Variants in KARS1 observed in about 807,000 individuals in gnomAD.
The protein encoded by KARS1 is lysyl-tRNA synthetase 1.
In KARS1, 50 loss-of-function variants were observed where a neutral mutation model predicts 63.9. That is an observed-to-expected ratio of 0.78 (90% CI 0.62 to 0.99). KARS1 has a LOEUF of 0.99. Ranked by LOEUF, KARS1 falls within the 50% of genes least tolerant of loss-of-function variation. The pLI is 0.00. For missense variants in KARS1, 816 were observed against 754.5 expected (o/e 1.08, Z -0.95); for synonymous variants, 320 against 264.6 (o/e 1.21, Z -2.03).
chr16:75,636,915 C>T (rs1045532903), intron 3 of KARS1, among the ~76,000 whole-genome samples: 7 of 150,974 alleles, frequency 4.6e-5, no homozygotes, highest in African/African-American at 9.8e-5. Context: ...GCTGGGATTA[C>T]AGGTGTGAGC....
At chr16:75,628,865 C>T in intron 12 of KARS1, 153 bp from the exon 13 acceptor site, 1 of 789,200 alleles carries the variant, frequency 1.3e-6, no homozygotes, top group Non-Finnish European at 2.2e-6. Context: ...CTAGTAACTC[C>T]AAGATGCAGC....
At chr16:75,644,990 C>A (rs1049180157) in intron 1 of KARS1, among the ~76,000 whole-genome samples, 1 of 152,184 alleles carries the variant, frequency 6.6e-6, no homozygotes, top group Non-Finnish European at 1.5e-5. Context: ...CCTTAGACTG[C>A]GTTATGTTTA....
chr16:75,630,080 G>T (rs577743345), intron 11 of KARS1, among the ~76,000 whole-genome samples: 3 of 152,192 alleles, frequency 2.0e-5, no homozygotes, highest in Non-Finnish European at 4.4e-5. Flanking sequence ...TTTGGCCAAT[G>T]GGTTATCACC....
intron 3 of KARS1, among the ~76,000 whole-genome samples, chr16:75,637,064 G>C (rs887358952): frequency 6.6e-6 from 1 of 151,614 alleles, no homozygotes; most frequent in African/African-American, 2.4e-5. Context: ...TTAAAGACAT[G>C]CTTTCAGGAT....
intron 1 of KARS1, among the ~76,000 whole-genome samples, chr16:75,643,379 C>CTT (rs764979861): frequency 7.8e-5 from 11 of 141,008 alleles, no homozygotes; most frequent in South Asian, 2.3e-4. Context: ...AATCTTTCAC[C>CTT]TTTTTTTTTT....
At position 75,641,621 on chromosome 16, in the gene KARS1, G is replaced by A. The variant is rs774307844; in HGVS notation, c.165C>T (p.Ala55=). Residue 55 remains alanine, a synonymous_variant, in exon 2 of 14, where the codon GCC becomes GCT. Coordinates refer to ENST00000302445, the MANE Select transcript of KARS1 (RefSeq NM_005548.3). Reference sequence around the variant, plus strand: ...CACCATTATCAGTGGTGTGGTTGGTGGCAGCAGCAGTGGCTTGGCTTAGCT... The same window carrying A: ...CACCATTATCAGTGGTGTGGTTGGTAGCAGCAGCAGTGGCTTGGCTTAGCT... ...EKQLSQATAA[A]TNHTTDNGVG... is the part of the protein sequence containing the mutation. The A allele has an allele frequency of 5.0e-6, 8 of 1,613,962 alleles. No individual in the cohort carries two copies. Among genetic ancestry groups the A allele is most frequent in the East Asian group, 2.2e-5 (1 of 44,886 alleles).
intron 7 of KARS1, among the ~76,000 whole-genome samples, chr16:75,632,074 G>A (rs923850332): frequency 1.3e-5 from 2 of 152,052 alleles, no homozygotes; most frequent in Admixed American, 6.6e-5. Flanking sequence ...ATTTTTAGTA[G>A]AGACAGGGTT....
chr16:75,645,116 G>T (rs1033482053), intron 1 of KARS1, among the ~76,000 whole-genome samples: 10 of 152,080 alleles, frequency 6.6e-5, no homozygotes, highest in African/African-American at 1.9e-4. Flanking sequence ...TTTTAAACTT[G>T]GAGTCAATAC....
chr16:75,634,127 A>G (rs1306372927), intron 7 of KARS1, 46 bp downstream of exon 7: 1 of 1,604,610 alleles, frequency 6.2e-7, no homozygotes, highest in Admixed American at 1.7e-5. Flanking sequence ...GTGGTATTCC[A>G]GCTTTCTGCT....
At chr16:75,645,329 G>C (rs2082268900) in intron 1 of KARS1, among the ~76,000 whole-genome samples, 1 of 152,236 alleles carries the variant, frequency 6.6e-6, no homozygotes, top group Non-Finnish European at 1.5e-5. Context: ...CCTGAGTTCA[G>C]ATCCGTGCTC....
chr16:75,637,900 C>CAAAAAAAAAAAAAAAAAAAAAAAAA (rs11386229), intron 3 of KARS1, among the ~76,000 whole-genome samples: 1 of 93,782 alleles, frequency 1.1e-5, no homozygotes, highest in Non-Finnish European at 2.3e-5. Flanking sequence ...AAAAAGAGAC[C>CAAAAAAAAAAAAAAAAAAAAAAAAA]AAAAAAAAAA....
intron 1 of KARS1, among the ~76,000 whole-genome samples, chr16:75,642,990 G>T (rs1490877213): frequency 1.3e-5 from 2 of 152,180 alleles, no homozygotes; most frequent in African/African-American, 4.8e-5. Flanking sequence ...TTTACTCTCT[G>T]TGCCTCATAT....
At position 75,642,185 on chromosome 16, in the gene KARS1, CTTTTTTTTTTTTTT is replaced by C. The variant is rs148991591; in HGVS notation, c.63-476_63-463del. On this transcript the variant is annotated intron_variant, in intron 1 of 13. Coordinates refer to ENST00000302445, the MANE Select transcript of KARS1 (RefSeq NM_005548.3). ...AGGTGAAGTTCCAACAGTGCCAGGT[CTTTTTTTTTTTTTT>C]TTTTTTTTTTTTTTTTTTTTATGAG... Among the ~76,000 whole-genome samples, 539 of 63,210 alleles carry C rather than the reference CTTTTTTTTTTTTTT, an allele frequency of 8.5e-3. 5 individuals are homozygous for C. The highest frequency in any genetic ancestry group is 0.02 in the African/African-American group (494 of 25,280). The allele number at this position is 63,210 out of a possible 152,430, so 41.5% of individuals were successfully genotyped here.
chr16:75,631,331 G>A, intron 9 of KARS1, 78 bp from the exon 10 acceptor site: 1 of 1,554,336 alleles, frequency 6.4e-7, no homozygotes. Flanking sequence ...GAATAGTGTG[G>A]GAAATTCTAG....
intron 1 of KARS1, 137 bp downstream of exon 1, chr16:75,647,441 A>T: frequency 1.2e-6 from 1 of 836,484 alleles, no homozygotes; most frequent in Non-Finnish European, 2.0e-6. Flanking sequence ...GGGCGCAGCC[A>T]CCACGTCTCA....
chr16:75,645,839 C>T (rs2082275607), intron 1 of KARS1, among the ~76,000 whole-genome samples: 1 of 126,602 alleles, frequency 7.9e-6, no homozygotes, highest in South Asian at 2.8e-4. Context: ...AACGACTCTG[C>T]CTCCAAAAAA....
chr16:75,639,372 G>C (rs2082197655), intron 3 of KARS1, among the ~76,000 whole-genome samples: 1 of 151,592 alleles, frequency 6.6e-6, no homozygotes, highest in Non-Finnish European at 1.5e-5. Context: ...AGGAGTTCGA[G>C]ACCAGCCTGG....
At chr16:75,628,024 G>T in intron 13 of KARS1, 31 bp from the exon 14 acceptor site, 1 of 1,295,698 alleles carries the variant, frequency 7.7e-7, no homozygotes, top group Non-Finnish European at 1.1e-6. Context: ...CCTTGAAGCT[G>T]AGAAGCACTC....
chr16:75,635,558 G>A (rs1210421576), intron 6 of KARS1, 122 bp downstream of exon 6: 2 of 1,104,766 alleles, frequency 1.8e-6, no homozygotes, highest in South Asian at 1.3e-5. Context: ...AAGAAAAGGG[G>A]ACATTCTCAT....
Sources: gnomAD v4.1 joint callset for allele counts (sites outside exome capture counted in the v4.1 genomes callset) on GRCh38, gnomAD v4.1.1 for gene constraint, MANE v1.5 for transcripts, NCBI Gene and HGNC (gene_info 2026-07-23, HGNC 2026-07-21) for gene names.